TSPAN18: variants seen among roughly 807,000 people sequenced by gnomAD.
The protein encoded by TSPAN18 is tetraspanin 18, also known as tetraspanin-18.
In TSPAN18, 14 loss-of-function variants were observed where a neutral mutation model predicts 27.3. The ratio of observed to expected loss-of-function variants is 0.51; its 90% CI spans 0.34 to 0.80. The LOEUF (loss-of-function observed/expected upper bound fraction) is 0.80. Ranked by LOEUF, TSPAN18 falls within the 30% of genes least tolerant of loss-of-function variation. The probability of loss-of-function intolerance (pLI) is 0.01; values close to 1 mark genes in which losing one functional copy is unlikely to be tolerated. For synonymous variants in TSPAN18, 143 were observed against 136.5 expected, an observed-to-expected ratio of 1.05 and a Z score of -0.33; for missense variants, 268 against 323.9, an observed-to-expected ratio of 0.83 and a Z score of 1.32.
At chr11:44,826,400 G>C (rs1857044173) in intron 2 of TSPAN18, among the ~76,000 whole-genome samples, 1 of 152,170 alleles carries the variant, frequency 6.6e-6, no homozygotes, top group Admixed American at 6.5e-5. Context: ...CTCCAGCCTG[G>C]GCAACAAGAG....
At chr11:44,739,440 CTG>C (rs1248254274) in intron 1 of TSPAN18, among the ~76,000 whole-genome samples, 1 of 152,156 alleles carries the variant, frequency 6.6e-6, no homozygotes, top group Non-Finnish European at 1.5e-5. Flanking sequence ...CTGGTTAACA[CTG>C]TGAAACCCTG....
intron 2 of TSPAN18, among the ~76,000 whole-genome samples, chr11:44,827,086 GTCTTGGGTGGA>G (rs1857059200): frequency 6.6e-6 from 1 of 152,210 alleles, no homozygotes; most frequent in South Asian, 2.1e-4. Context: ...CTGGGCTGGA[GTCTTGGGTGGA>G]TCCCGCCAAC....
chr11:44,805,767 C>G (rs540835722), intron 2 of TSPAN18, among the ~76,000 whole-genome samples: 1 of 152,154 alleles, frequency 6.6e-6, no homozygotes, highest in Non-Finnish European at 1.5e-5. Context: ...AAGAATCTCT[C>G]CTCACCTCTT....
chr11:44,786,647 T>C (rs1200828220), intron 2 of TSPAN18, among the ~76,000 whole-genome samples: 1 of 69,534 alleles, frequency 1.4e-5, no homozygotes, highest in Non-Finnish European at 4.1e-5. Context: ...TTTTTTTTTT[T>C]TAAAGACAGA....
chr11:44,819,541 G>T (rs534848197), intron 2 of TSPAN18, among the ~76,000 whole-genome samples: 1 of 152,260 alleles, frequency 6.6e-6, no homozygotes, highest in East Asian at 1.9e-4. Context: ...CACACTGGCA[G>T]CCTCGTTGAA....
intron 8 of TSPAN18, among the ~76,000 whole-genome samples, chr11:44,921,791 G>A (rs74777297): frequency 3.9e-4 from 60 of 152,312 alleles, no homozygotes; most frequent in Middle Eastern, 3.4e-3. Context: ...AATGCTACTT[G>A]TAAGTTTTCA....
intron 1 of TSPAN18, among the ~76,000 whole-genome samples, chr11:44,761,167 G>A (rs1321674622): frequency 6.6e-6 from 1 of 152,174 alleles, no homozygotes; most frequent in Non-Finnish European, 1.5e-5. Context: ...GGAGAACTGT[G>A]CACAGAGCAA....
intron 2 of TSPAN18, among the ~76,000 whole-genome samples, chr11:44,847,329 C>T (rs1188347509): frequency 6.6e-6 from 1 of 152,202 alleles, no homozygotes; most frequent in Non-Finnish European, 1.5e-5. Context: ...CACTTATGAG[C>T]TCATTGACCT....
intron 3 of TSPAN18, among the ~76,000 whole-genome samples, chr11:44,894,693 C>G (rs1179181292): frequency 6.6e-6 from 1 of 152,216 alleles, no homozygotes; most frequent in Non-Finnish European, 1.5e-5. Flanking sequence ...TTCTGGGCCT[C>G]AGGGCTCCCA....
intron 2 of TSPAN18, among the ~76,000 whole-genome samples, chr11:44,784,254 G>A (rs1174094396): frequency 6.6e-6 from 1 of 152,184 alleles, no homozygotes; most frequent in African/African-American, 2.4e-5. Flanking sequence ...GACCGAACAG[G>A]CTGTAGTTAG....
intron 5 of TSPAN18, among the ~76,000 whole-genome samples, chr11:44,917,259 GA>G (rs1214428494): frequency 3.3e-5 from 5 of 152,206 alleles, no homozygotes; most frequent in Non-Finnish European, 5.9e-5. Context: ...GAGAAATGAG[GA>G]ACTGGTGGGC....
chr11:44,882,314 C>T (rs368371511), intron 3 of TSPAN18, among the ~76,000 whole-genome samples: 3 of 152,142 alleles, frequency 2.0e-5, no homozygotes, highest in African/African-American at 7.2e-5. Flanking sequence ...ACCCGTTCTT[C>T]CTTTTCCCAT....
intron 2 of TSPAN18, among the ~76,000 whole-genome samples, chr11:44,775,461 C>T (rs1056632932): frequency 6.6e-6 from 1 of 152,204 alleles, no homozygotes; most frequent in Non-Finnish European, 1.5e-5. Context: ...CCTGCCCACA[C>T]TTCTGGACTG....
chr11:44,861,474 G>C (rs1345653272), intron 3 of TSPAN18, among the ~76,000 whole-genome samples: 1 of 147,196 alleles, frequency 6.8e-6, no homozygotes, highest in Non-Finnish European at 1.5e-5. Flanking sequence ...GTCGGTGCTG[G>C]GCGGGGGGTC....
intron 2 of TSPAN18, among the ~76,000 whole-genome samples, chr11:44,826,376 A>G (rs1197824049): frequency 1.3e-5 from 2 of 152,250 alleles, no homozygotes; most frequent in African/African-American, 2.4e-5. Context: ...CTGAGTCGAG[A>G]TGGCGCCATT....
chr11:44,876,533 T>C (rs1241860293), intron 3 of TSPAN18, among the ~76,000 whole-genome samples: 1 of 152,196 alleles, frequency 6.6e-6, no homozygotes, highest in Admixed American at 6.5e-5. Flanking sequence ...GACATCAAGC[T>C]GGGCCTTGGA....
intron 2 of TSPAN18, among the ~76,000 whole-genome samples, chr11:44,785,031 G>A (rs945940418): frequency 1.3e-5 from 2 of 152,150 alleles, no homozygotes; most frequent in Admixed American, 6.5e-5. Flanking sequence ...CCCTAACCAC[G>A]GTAATGAGAC....
At chr11:44,846,642 C>T (rs1199187682) in intron 2 of TSPAN18, among the ~76,000 whole-genome samples, 1 of 149,234 alleles carries the variant, frequency 6.7e-6, no homozygotes, top group Non-Finnish European at 1.5e-5. Flanking sequence ...CTGTGTGCAC[C>T]TGTGCTGGGG....
intron 3 of TSPAN18, among the ~76,000 whole-genome samples, chr11:44,867,345 C>T (rs111334981): frequency 0.019 from 2,710 of 145,728 alleles, 40 homozygotes; most frequent in Admixed American, 0.024. Context: ...AGGTGATGCA[C>T]GCTGGGGAAG....
Sources: allele counts gnomAD v4.1 joint callset (sites outside exome capture counted in the v4.1 genomes callset), GRCh38; gene constraint gnomAD v4.1.1; transcripts MANE v1.5; gene names NCBI Gene and HGNC (gene_info 2026-07-23, HGNC 2026-07-21).